COL16A1: variants seen among roughly 807,000 people sequenced by gnomAD.
The protein encoded by COL16A1 is collagen type XVI alpha 1 chain, also known as collagen alpha-1(XVI) chain.
Under a neutral mutation model 266.3 loss-of-function variants are expected in COL16A1, and 189 were observed. That is an observed-to-expected ratio of 0.71 (90% CI 0.63 to 0.80). The LOEUF (loss-of-function observed/expected upper bound fraction) is 0.80, where lower values mean the gene tolerates loss of function less well. Ranked by LOEUF, COL16A1 falls within the 30% of genes least tolerant of loss-of-function variation. The pLI is 0.00. For synonymous variants in COL16A1, 740 were observed against 782.3 expected, an observed-to-expected ratio of 0.95 and a Z score of 0.90; for missense variants, 1,928 against 2,122.4, an observed-to-expected ratio of 0.91 and a Z score of 1.80.
Position 31,670,589 on chromosome 1 carries a change from G to T in COL16A1, c.3195+13C>A, listed in dbSNP as rs540224903. 7.2e-7 allele frequency: 1 copy of T among 1,395,678 alleles called. No homozygotes were observed. Among genetic ancestry groups the T allele is most frequent in the Non-Finnish European group, 9.3e-7 (1 of 1,074,662 alleles). The allele number at this position is 1,395,678 out of a possible 1,614,324, so 86.5% of individuals were successfully genotyped here. ...CGGGGGGGAGGGGAGGTCGAGCAGC[G>T]CTAGGTTCTTACAGGCAATCCGGGG... On this transcript the variant is annotated intron_variant, in intron 49 of 70. Coordinates refer to ENST00000373672, the MANE Select transcript of COL16A1 (RefSeq NM_001856.4). This position sits in a 1 kb window ranked among gnomAD's most constrained non-coding sequence, Gnocchi z 4.5.
intron 42 of COL16A1, among the ~76,000 whole-genome samples, chr1:31,676,321 T>A: frequency 9.2e-6 from 1 of 109,038 alleles, no homozygotes. Context: ...GGAGACTCCG[T>A]CTCAAAAAAA....
chr1:31,668,456 C>T lies in COL16A1; in HGVS notation c.3250-238G>A, dbSNP rs988539052. ...CTGGCCCAGACCCTGAGAGCTGAGCCGGAGCAGGGAGCCCAGAGCAGGCAT... is the reference window on the plus strand; with the variant it reads ...CTGGCCCAGACCCTGAGAGCTGAGCTGGAGCAGGGAGCCCAGAGCAGGCAT... On this transcript the variant is annotated intron_variant, in intron 50 of 70. Coordinates refer to ENST00000373672, the MANE Select transcript of COL16A1 (RefSeq NM_001856.4). The surrounding 1 kb of genome is among the most constrained non-coding windows in gnomAD (Gnocchi z 5.8). 2.5e-4 allele frequency among the ~76,000 whole-genome samples: 38 copies of T among 152,128 alleles called. No individual in the cohort carries two copies. Among genetic ancestry groups the T allele is most frequent in the Admixed American group, 1.4e-3 (21 of 15,294 alleles).
chr1:31,675,086 A>T, intron 43 of COL16A1, 47 bp from the exon 44 acceptor site: 1 of 1,612,284 alleles, frequency 6.2e-7, no homozygotes, highest in Non-Finnish European at 8.5e-7. Context: ...GGGAAGGAAC[A>T]TGGAGACTTA....
chr1:31,685,947 ATCAGGGGTCTCCATGCCTTGCTAAGGAG>A lies in COL16A1; in HGVS notation c.1884+116_1884+143del. On this transcript the variant is annotated intron_variant, in intron 28 of 70. Coordinates refer to ENST00000373672, the MANE Select transcript of COL16A1 (RefSeq NM_001856.4). This position sits in a 1 kb window ranked among gnomAD's most constrained non-coding sequence, Gnocchi z 4.0. ...AAAGAAACAAAGGTGGAGCTGAGTC[ATCAGGGGTCTCCATGCCTTGCTAAGGAG>A]TCAGACTCTGCCCGACAGACAGCAA... is the stretch of plus-strand genomic sequence containing the variant. The A allele has an allele frequency of 6.8e-7, 1 of 1,471,308 alleles. No homozygotes were observed. Among genetic ancestry groups the A allele is most frequent in the Non-Finnish European group, 9.2e-7 (1 of 1,082,708 alleles). 91.1% of individuals were successfully genotyped at this position (1,471,308 alleles called of 1,614,324 possible). A position where few individuals can be genotyped will look rare whatever the true frequency, so the allele number is the denominator to read the frequency against.
chr1:31,662,293 G>A lies in COL16A1; in HGVS notation c.3681+41C>T, dbSNP rs535107903. 28 of 1,596,852 alleles carry A rather than the reference G, an allele frequency of 1.8e-5. No homozygotes were observed. The South Asian group carries it at 2.5e-4, about 14-fold the overall frequency. ...TTGACTTTGGCTCCTCTGGCAAAAA[G>A]GAGAGGAAGGGGTGCCCGCCCTCCC... On this transcript the variant is annotated intron_variant, in intron 58 of 70. Transcript: ENST00000373672.
chr1:31,698,089 G>A lies in COL16A1; in HGVS notation c.474C>T (p.Phe158=), dbSNP rs772683799. 1.2e-6 allele frequency: 2 copies of A among 1,614,044 alleles called. No homozygotes were observed. ...GQDGDFVSCI[F]PVPQLFDLRW... is the part of the protein sequence containing the mutation. ...GCAAGTCGAAGAGCTGGGGCACTGG[G>A]AAGATGCAGGACACAAAGTCGCCAT... Residue 158 remains phenylalanine (F), a synonymous_variant, in exon 6 of 71, where the codon TTC becomes TTT. Transcript: ENST00000373672. This position sits in a 1 kb window ranked among gnomAD's most constrained non-coding sequence, Gnocchi z 4.1.
chr1:31,682,262 T>G (rs1249147714), intron 37 of COL16A1, among the ~76,000 whole-genome samples: 2 of 152,216 alleles, frequency 1.3e-5, no homozygotes, highest in Non-Finnish European at 2.9e-5. Context: ...ACATGTCTCT[T>G]AAAACGTGGG....
chr1:31,655,046 C>T (rs964465028), intron 67 of COL16A1, among the ~76,000 whole-genome samples, 188 bp from the exon 68 acceptor site: 5 of 138,634 alleles, frequency 3.6e-5, no homozygotes, highest in African/African-American at 8.0e-5. Context: ...TGCAGTGGCG[C>T]GATCTTGGCT....
At chr1:31,693,775 C>A (rs1644378759) in intron 12 of COL16A1, among the ~76,000 whole-genome samples, 1 of 152,188 alleles carries the variant, frequency 6.6e-6, no homozygotes, top group Non-Finnish European at 1.5e-5. Flanking sequence ...TGTAGCCACA[C>A]CCACACATAA....
In COL16A1 at chr1:31,679,346, C is replaced by T. The variant is rs1226965176; in HGVS notation, c.2772+286G>A. 21 of 1,419,886 alleles carry T rather than the reference C, an allele frequency of 1.5e-5. No homozygotes were observed. In the East Asian group the frequency reaches 1.5e-4, roughly 10 times the overall value. 88.0% of individuals were successfully genotyped at this position (1,419,886 alleles called of 1,614,324 possible). Reference sequence around the variant, plus strand: ...TGAATGCTACTCCAAAACAGTGGGCCGGGCTCTGTACCAGGGTAAGGGATT... The same window carrying T: ...TGAATGCTACTCCAAAACAGTGGGCTGGGCTCTGTACCAGGGTAAGGGATT... On this transcript the variant is annotated intron_variant, in intron 42 of 70. Transcript: ENST00000373672.
At chr1:31,669,590 C>G (rs1356212767) in intron 49 of COL16A1, among the ~76,000 whole-genome samples, 2 of 151,848 alleles carry the variant, frequency 1.3e-5, no homozygotes, top group African/African-American at 4.8e-5. Context: ...GACAGATGGC[C>G]CCTTCACCCA....
chr1:31,679,546 C>T (rs1188560684), intron 42 of COL16A1, 86 bp downstream of exon 42: 1 of 1,613,984 alleles, frequency 6.2e-7, no homozygotes, highest in Non-Finnish European at 8.5e-7. Context: ...GGTGGGGGAG[C>T]AGCATCCTTG....
chr1:31,684,635 A>G lies in COL16A1; in HGVS notation c.2053-5T>C. On this transcript the variant is annotated splice_region_variant and splice_polypyrimidine_tract_variant and intron_variant, in intron 30 of 70. Coordinates refer to ENST00000373672, the MANE Select transcript of COL16A1 (RefSeq NM_001856.4). ...TCCAGGATTCCCAGCATCACCCTGT[A>G]AGGAGTGGGGTTCAAGGAAAGCAAG... is the stretch of plus-strand genomic sequence containing the variant. The G allele has an allele frequency of 1.2e-6, 2 of 1,613,552 alleles. No homozygotes were observed. Among genetic ancestry groups the G allele is most frequent in the Non-Finnish European group, 1.7e-6 (2 of 1,179,736 alleles).
In COL16A1 at chr1:31,668,880, C is replaced by A; in HGVS notation, c.3196-25G>T. ...CCTTGGAGAGAAAAATCATGAGAAA[C>A]TGCAGGAGCCGGCGGTCCCCACCCA... On this transcript the variant is annotated intron_variant, in intron 49 of 70. Coordinates refer to ENST00000373672, the MANE Select transcript of COL16A1 (RefSeq NM_001856.4). The surrounding 1 kb of genome is among the most constrained non-coding windows in gnomAD (Gnocchi z 5.8). 1 of 1,610,804 alleles carries A rather than the reference C, an allele frequency of 6.2e-7. No individual in the cohort carries two copies. The highest frequency in any genetic ancestry group is 1.1e-5 in the South Asian group (1 of 90,798).
chr1:31,683,665 G>A (rs776984724), intron 34 of COL16A1, 42 bp downstream of exon 34: 8 of 1,613,972 alleles, frequency 5.0e-6, no homozygotes, highest in Non-Finnish European at 6.8e-6. Context: ...CTGGCTAATG[G>A]AAGTGCTGAG....
At chr1:31,682,690 T>G (rs1311679125) in intron 37 of COL16A1, among the ~76,000 whole-genome samples, 1 of 152,176 alleles carries the variant, frequency 6.6e-6, no homozygotes, top group Non-Finnish European at 1.5e-5. Context: ...TGAATTTCTG[T>G]GTTTAGAGCT....
At chr1:31,694,056 G>C (rs576461112) in intron 12 of COL16A1, 88 bp downstream of exon 12, 3 of 1,307,422 alleles carry the variant, frequency 2.3e-6, no homozygotes, top group Non-Finnish European at 2.2e-6. Flanking sequence ...GGCCCTGATA[G>C]AAACACACAG....
intron 37 of COL16A1, 73 bp from the exon 38 acceptor site, chr1:31,681,140 G>A (rs1557658212): frequency 4.6e-6 from 7 of 1,537,126 alleles, no homozygotes; most frequent in Non-Finnish European, 6.1e-6. Context: ...TGCAGAAAAG[G>A]GGTGTAGGAC....
intron 52 of COL16A1, among the ~76,000 whole-genome samples, 163 bp downstream of exon 52, chr1:31,667,412 C>G (rs1642227585): frequency 6.6e-6 from 1 of 152,184 alleles, no homozygotes; most frequent in African/African-American, 2.4e-5. Flanking sequence ...ATTCTCCTCA[C>G]AGCCTCCACC....
Sources: allele counts gnomAD v4.1 joint callset (sites outside exome capture counted in the v4.1 genomes callset), GRCh38; gene constraint gnomAD v4.1.1; non-coding constraint Gnocchi (gnomAD v3.1); transcripts MANE v1.5; gene names NCBI Gene and HGNC (gene_info 2026-07-23, HGNC 2026-07-21).